The following GLP1R variants were observed in gnomAD, a reference collection of about 807,000 sequenced individuals.
The protein encoded by GLP1R is glucagon like peptide 1 receptor.
Under a neutral mutation model 68.4 loss-of-function variants are expected in GLP1R, and 32 were observed. The ratio of observed to expected loss-of-function variants is 0.47; its 90% CI spans 0.35 to 0.63. The LOEUF (loss-of-function observed/expected upper bound fraction) is 0.63, where lower values mean the gene tolerates loss of function less well. Ranked by LOEUF, GLP1R falls within the 20% of genes least tolerant of loss-of-function variation. The pLI is 0.00. For synonymous variants in GLP1R, 263 were observed against 244.4 expected, an observed-to-expected ratio of 1.08 and a Z score of -0.71; for missense variants, 502 against 594.9, an observed-to-expected ratio of 0.84 and a Z score of 1.62.
In GLP1R at chr6:39,085,821, C is replaced by T. The variant is rs891496705; in HGVS notation, c.1225-85C>T. ...TAATATAATGCAGTGGATTTCTTCC[C>T]TTCCCCACTAATGTAATAGTGGGGC... On this transcript the variant is annotated intron_variant, in intron 12 of 12. Transcript: ENST00000373256. 7 of 1,261,390 alleles carry T rather than the reference C, an allele frequency of 5.5e-6. No individual in the cohort carries two copies. The African/African-American group carries it at 5.9e-5, about 11-fold the overall frequency. The allele number at this position is 1,261,390 out of a possible 1,614,324, so 78.1% of individuals were successfully genotyped here. A position where few individuals can be genotyped will look rare whatever the true frequency, so the allele number is the denominator to read the frequency against.
chr6:39,071,958 T>C (rs1442157906), intron 5 of GLP1R, among the ~76,000 whole-genome samples: 4 of 152,226 alleles, frequency 2.6e-5, no homozygotes, highest in Non-Finnish European at 2.9e-5. Context: ...TATAAAATTC[T>C]CCATCGAGAT....
At chr6:39,053,451 C>T (rs1337092143) in intron 1 of GLP1R, among the ~76,000 whole-genome samples, 1 of 152,212 alleles carries the variant, frequency 6.6e-6, no homozygotes, top group Non-Finnish European at 1.5e-5. Flanking sequence ...TTTCCTCTTT[C>T]TGGGAATATG....
intron 7 of GLP1R, among the ~76,000 whole-genome samples, chr6:39,077,124 G>A (rs562905861): frequency 2.2e-4 from 33 of 152,270 alleles, no homozygotes; most frequent in South Asian, 8.3e-4. Flanking sequence ...CTGCAATCTC[G>A]GTTCAACTTA....
At chr6:39,051,913 G>T (rs1199388440) in intron 1 of GLP1R, among the ~76,000 whole-genome samples, 2 of 150,988 alleles carry the variant, frequency 1.3e-5, no homozygotes, top group African/African-American at 4.9e-5. Context: ...GGGCATCTTG[G>T]TGTGTGAATG....
intron 3 of GLP1R, among the ~76,000 whole-genome samples, chr6:39,061,340 A>G (rs1053454477): frequency 1.3e-4 from 20 of 152,216 alleles, no homozygotes; most frequent in African/African-American, 4.6e-4. Flanking sequence ...TCGTTTACCC[A>G]CAAACAGCTG....
intron 3 of GLP1R, among the ~76,000 whole-genome samples, chr6:39,064,991 T>G (rs1768463981): frequency 1.3e-5 from 2 of 152,192 alleles, no homozygotes; most frequent in South Asian, 2.1e-4. Flanking sequence ...AGAGTCTATG[T>G]GAAGGTAGGA....
rs1254390189 is a variant in GLP1R at position 39,087,885 on chromosome 6, A to C, written c.*1812A>C. The C allele has an allele frequency of 6.6e-6, 1 of 152,172 alleles. No individual in the cohort carries two copies. Among genetic ancestry groups the C allele is most frequent in the Non-Finnish European group, 1.5e-5 (1 of 68,044 alleles). The allele number at this position is 152,172 out of a possible 1,614,324, so 9.4% of individuals were successfully genotyped here. On this transcript the variant is annotated 3_prime_UTR_variant, in exon 13 of 13. Transcript: ENST00000373256. ...CCCCAGAACAAGGGCAGGCTTCCCA[A>C]AGGCACCCCTTATTTGCTGTCTCTT...
intron 1 of GLP1R, among the ~76,000 whole-genome samples, chr6:39,055,595 G>C (rs116118711): frequency 6.6e-6 from 1 of 152,116 alleles, no homozygotes. Flanking sequence ...CCCATTGCAC[G>C]TGTGACTTCA....
chr6:39,084,366 A>G (rs1404810120), intron 12 of GLP1R, among the ~76,000 whole-genome samples: 1 of 152,202 alleles, frequency 6.6e-6, no homozygotes, highest in African/African-American at 2.4e-5. Flanking sequence ...AAAAGTGCTG[A>G]AGGAGATGGG....
At position 39,087,633 on chromosome 6, in the gene GLP1R, C is replaced by T. The variant is rs376594222; in HGVS notation, c.*1560C>T. On this transcript the variant is annotated 3_prime_UTR_variant, in exon 13 of 13. Coordinates refer to ENST00000373256, the MANE Select transcript of GLP1R (RefSeq NM_002062.5). ...CTCCCTTTTAAATGGTGGGAACCCTCCCCAAAACCTTTCCCCAGACACATT... is the reference window on the plus strand; with the variant it reads ...CTCCCTTTTAAATGGTGGGAACCCTTCCCAAAACCTTTCCCCAGACACATT... The T allele has an allele frequency of 1.3e-5, 2 of 152,296 alleles. No individual in the cohort carries two copies. Among genetic ancestry groups the T allele is most frequent in the South Asian group, 2.1e-4 (1 of 4,828 alleles). 9.4% of individuals were successfully genotyped at this position (152,296 alleles called of 1,614,324 possible). A position where few individuals can be genotyped will look rare whatever the true frequency, so the allele number is the denominator to read the frequency against.
chr6:39,055,105 C>T (rs550251783), intron 1 of GLP1R, among the ~76,000 whole-genome samples: 1 of 152,270 alleles, frequency 6.6e-6, no homozygotes, highest in Non-Finnish European at 1.5e-5. Flanking sequence ...CATGGGGCCT[C>T]CGAGGCAGCA....
rs926373505 is a variant in GLP1R, at chr6:39,049,195, C to T, written c.78+277C>T. Among the ~76,000 whole-genome samples the T allele has an allele frequency of 6.6e-6, 1 of 152,170 alleles. No homozygotes were observed. The highest frequency in any genetic ancestry group is 2.4e-5 in the African/African-American group (1 of 41,446). ...CTCTGCCCGGGCACCCGCTGCCCCG[C>T]GGCCGCCCTGCGCTGACTTCTGCTC... On this transcript the variant is annotated intron_variant, in intron 1 of 12. Transcript: ENST00000373256. The surrounding 1 kb of genome is among the most constrained non-coding windows in gnomAD (Gnocchi z 4.5).
chr6:39,059,087 C>T (rs2150823317), intron 3 of GLP1R, among the ~76,000 whole-genome samples: 1 of 152,332 alleles, frequency 6.6e-6, no homozygotes, highest in East Asian at 1.9e-4. Context: ...TCCACACTCA[C>T]AGTACACTCA....
chr6:39,057,547 G>A lies in GLP1R; in HGVS notation c.251G>A (p.Ser84Asn), dbSNP rs754900903. ...DGEPGSFVNV[S>N]CPWYLPWASS... is the part of the protein sequence containing the mutation. ...GAGCCAGGCTCGTTCGTGAATGTCA[G>A]CTGCCCCTGGTACCTGCCCTGGGCC... Residue 84 changes from serine (S) to asparagine (N), a missense_variant, in exon 3 of 13, where the codon AGC becomes AAC. Coordinates refer to ENST00000373256, the MANE Select transcript of GLP1R (RefSeq NM_002062.5). 19 of 1,611,668 alleles carry A rather than the reference G, an allele frequency of 1.2e-5. No individual in the cohort carries two copies. Among genetic ancestry groups the A allele is most frequent in the Non-Finnish European group, 1.4e-5 (16 of 1,178,960 alleles).
At chr6:39,081,743 G>A (rs1769017740) in intron 12 of GLP1R, among the ~76,000 whole-genome samples, 1 of 152,202 alleles carries the variant, frequency 6.6e-6, no homozygotes, top group African/African-American at 2.4e-5. Flanking sequence ...AAAGATGCAA[G>A]GATGCAGGCT....
intron 12 of GLP1R, among the ~76,000 whole-genome samples, chr6:39,084,557 T>TGGAC (rs1769096127): frequency 6.6e-6 from 1 of 152,152 alleles, no homozygotes; most frequent in South Asian, 2.1e-4. Flanking sequence ...GGGCCACCAC[T>TGGAC]GGACTCAGGG....
chr6:39,049,001 G>A lies in GLP1R; in HGVS notation c.78+83G>A, dbSNP rs568072930. ...GCGCAGTGTCCTGGTGGAGGGCCCC[G>A]GGACTTGAACGAAACTCCGAGACCG... On this transcript the variant is annotated intron_variant, in intron 1 of 12. Transcript: ENST00000373256. The surrounding 1 kb of genome is among the most constrained non-coding windows in gnomAD (Gnocchi z 4.5). The A allele has an allele frequency of 2.6e-5, 15 of 572,754 alleles. No homozygotes were observed. Among genetic ancestry groups the A allele is most frequent in the African/African-American group, 2.2e-4 (11 of 50,510 alleles). 35.5% of individuals were successfully genotyped at this position (572,754 alleles called of 1,614,324 possible).
chr6:39,074,048 C>T (rs1356883593), intron 7 of GLP1R, among the ~76,000 whole-genome samples: 3 of 152,294 alleles, frequency 2.0e-5, no homozygotes, highest in African/African-American at 4.8e-5. Context: ...CACTGGAGGT[C>T]ATGGCACTGT....
chr6:39,075,039 G>C (rs771203653), intron 7 of GLP1R, among the ~76,000 whole-genome samples: 9 of 152,172 alleles, frequency 5.9e-5, no homozygotes, highest in Non-Finnish European at 4.4e-5. Flanking sequence ...TACAGGCAGA[G>C]CAGGCCCTGG....
Sources: gnomAD v4.1 joint callset for allele counts (sites outside exome capture counted in the v4.1 genomes callset) on GRCh38, gnomAD v4.1.1 for gene constraint, Gnocchi (gnomAD v3.1) non-coding constraint, MANE v1.5 for transcripts, NCBI Gene and HGNC (gene_info 2026-07-23, HGNC 2026-07-21) for gene names.